Variants in PRR16 observed in about 807,000 individuals in gnomAD.
The protein encoded by PRR16 is protein Largen.
In PRR16, 6 loss-of-function variants were observed where a neutral mutation model predicts 18.2. The observed-to-expected ratio is 0.33, with a 90% CI of 0.18 to 0.65. The LOEUF (loss-of-function observed/expected upper bound fraction) is 0.65. Among genes scored for constraint, PRR16 ranks in the 30% least tolerant of loss-of-function variants. The pLI is 0.74. For synonymous variants in PRR16, 151 were observed against 147.8 expected (o/e 1.02, Z -0.16); for missense variants, 412 against 376.6 (o/e 1.09, Z -0.78).
At chr5:120,585,667 C>A (rs1382771074) in intron 1 of PRR16, among the ~76,000 whole-genome samples, 2 of 150,344 alleles carry the variant, frequency 1.3e-5, no homozygotes, top group Non-Finnish European at 2.9e-5. Context: ...TTTGCCATCT[C>A]CCCTAGATAA....
At chr5:120,605,728 A>G (rs995146964) in intron 1 of PRR16, among the ~76,000 whole-genome samples, 1 of 151,672 alleles carries the variant, frequency 6.6e-6, no homozygotes, top group African/African-American at 2.4e-5. Context: ...TTTGATTGTG[A>G]TATCAGTTGG....
At chr5:120,709,329 T>C in the PRR16 span, among the ~76,000 whole-genome samples, 1 of 152,094 alleles carries the variant, frequency 6.6e-6, no homozygotes, top group Non-Finnish European at 1.5e-5. Flanking sequence ...CTTAATTTTA[T>C]TTTACTTTGT....
the PRR16 span, among the ~76,000 whole-genome samples, chr5:120,709,860 C>A: frequency 0.017 from 2,579 of 152,236 alleles, 41 homozygotes; most frequent in Non-Finnish European, 0.024. Context: ...TTAAATATCA[C>A]ATTTTCTTTA....
At chr5:120,533,667 C>T (rs183519512) in intron 1 of PRR16, among the ~76,000 whole-genome samples, 6 of 152,232 alleles carry the variant, frequency 3.9e-5, no homozygotes, top group Non-Finnish European at 8.8e-5. Context: ...TTCAAGGAAG[C>T]TTGTGTGGCT....
intron 1 of PRR16, among the ~76,000 whole-genome samples, chr5:120,648,818 T>A (rs1355450777): frequency 6.6e-6 from 1 of 152,094 alleles, no homozygotes; most frequent in African/African-American, 2.4e-5. Context: ...GTGTCAGTAC[T>A]CCCATGGTAG....
At chr5:120,737,427 G>T in the PRR16 span, among the ~76,000 whole-genome samples, 4 of 146,518 alleles carry the variant, frequency 2.7e-5, no homozygotes, top group Admixed American at 2.8e-4. Context: ...AATGTGGTGC[G>T]TTACCTTGAT....
At chr5:120,671,745 C>G (rs573850230) in intron 1 of PRR16, among the ~76,000 whole-genome samples, 16 of 151,952 alleles carry the variant, frequency 1.1e-4, no homozygotes, top group South Asian at 6.2e-4. Context: ...ATATTTCAAA[C>G]TTGTTTTAAT....
intron 1 of PRR16, among the ~76,000 whole-genome samples, chr5:120,577,288 T>C (rs185101918): frequency 2.6e-5 from 4 of 152,218 alleles, no homozygotes; most frequent in Admixed American, 2.0e-4. Flanking sequence ...AACATTTATA[T>C]TGAGAAGTCA....
chr5:120,515,309 T>C (rs1750952930), intron 1 of PRR16, among the ~76,000 whole-genome samples: 1 of 152,134 alleles, frequency 6.6e-6, no homozygotes, highest in Non-Finnish European at 1.5e-5. Context: ...CTCTTAAAGG[T>C]CCCACCTCTC....
rs1344514062 is a variant in PRR16 at position 120,573,318 on chromosome 5, C to T, written c.159+108673C>T. ...ATTCTTGCTTTGAGATGTTTTCTTA[C>T]TCTTATTTCAAAATGGCAAGAGGAA... On this transcript the variant is annotated intron_variant, in intron 1 of 1. Transcript: ENST00000407149. Among the ~76,000 whole-genome samples, 6 of 152,230 alleles carry T rather than the reference C, an allele frequency of 3.9e-5. No individual in the cohort carries two copies. The East Asian group carries it at 9.7e-4, about 24-fold the overall frequency.
At chr5:120,628,894 A>G (rs1368550562) in intron 1 of PRR16, among the ~76,000 whole-genome samples, 7 of 152,030 alleles carry the variant, frequency 4.6e-5, no homozygotes, top group Admixed American at 3.3e-4. Context: ...TTTAACTTTT[A>G]TTTTAAGTTC....
intron 1 of PRR16, among the ~76,000 whole-genome samples, chr5:120,644,526 T>C (rs1003711116): frequency 1.3e-5 from 2 of 152,150 alleles, no homozygotes; most frequent in Admixed American, 6.6e-5. Context: ...AACAGGACTT[T>C]GCAAAATATC....
chr5:120,788,645 C>T, the PRR16 span, among the ~76,000 whole-genome samples: 1 of 152,056 alleles, frequency 6.6e-6, no homozygotes, highest in Non-Finnish European at 1.5e-5. Flanking sequence ...TAGGCCAGTT[C>T]CAAACAGGCT....
chr5:120,727,402 A>T, the PRR16 span, among the ~76,000 whole-genome samples: 1 of 152,050 alleles, frequency 6.6e-6, no homozygotes, highest in South Asian at 2.1e-4. Context: ...CTGTATGTTC[A>T]CATAACTCCA....
the PRR16 span, among the ~76,000 whole-genome samples, chr5:120,740,080 C>T: frequency 6.6e-6 from 1 of 152,150 alleles, no homozygotes; most frequent in African/African-American, 2.4e-5. Context: ...GAATGACACA[C>T]TAATGGGACA....
chr5:120,609,124 T>A (rs1754252182), intron 1 of PRR16, among the ~76,000 whole-genome samples: 1 of 152,090 alleles, frequency 6.6e-6, no homozygotes, highest in South Asian at 2.1e-4. Context: ...TACTCCCACA[T>A]ACCCTGCAGT....
the PRR16 span, among the ~76,000 whole-genome samples, chr5:120,742,098 C>T: frequency 3.3e-5 from 5 of 151,856 alleles, no homozygotes; most frequent in South Asian, 2.1e-4. Flanking sequence ...TTTTGTATCA[C>T]TGTTTTAACT....
At chr5:120,566,283 C>T (rs543500964) in intron 1 of PRR16, among the ~76,000 whole-genome samples, 12 of 152,286 alleles carry the variant, frequency 7.9e-5, no homozygotes, top group African/African-American at 2.9e-4. Flanking sequence ...GACTTCCTTG[C>T]CTCCAGAACT....
intron 1 of PRR16, among the ~76,000 whole-genome samples, chr5:120,671,778 A>G (rs932385070): frequency 1.3e-5 from 2 of 152,286 alleles, no homozygotes; most frequent in African/African-American, 4.8e-5. Flanking sequence ...TCTTCTCTCT[A>G]TGAAAGTGCC....
Sources: allele counts gnomAD v4.1 joint callset (sites outside exome capture counted in the v4.1 genomes callset), GRCh38; gene constraint gnomAD v4.1.1; transcripts MANE v1.5; gene names NCBI Gene and HGNC (gene_info 2026-07-23, HGNC 2026-07-21).